RGS22: variants seen among roughly 807,000 people sequenced by gnomAD.
The protein encoded by RGS22 is regulator of G-protein signaling 22.
Under a neutral mutation model 172.9 loss-of-function variants are expected in RGS22, and 148 were observed. That is an observed-to-expected ratio of 0.86 (90% CI 0.75 to 0.98). The LOEUF (loss-of-function observed/expected upper bound fraction) is 0.98, where lower values mean the gene tolerates loss of function less well. Among genes scored for constraint, RGS22 ranks in the 50% least tolerant of loss-of-function variants. The pLI, the probability that RGS22 is intolerant of heterozygous loss-of-function variation, is 0.00. For synonymous variants in RGS22, 458 were observed against 480.2 expected (o/e 0.95, Z 0.60); for missense variants, 1,347 against 1,440.8 (o/e 0.93, Z 1.05).
intron 6 of RGS22, among the ~76,000 whole-genome samples, chr8:100,066,570 T>C (rs577728350): frequency 1.3e-5 from 2 of 152,248 alleles, no homozygotes; most frequent in Admixed American, 1.3e-4. Context: ...TCTCAGACTA[T>C]TGTTGACCAA....
At chr8:100,053,424 A>T (rs114187527) in intron 9 of RGS22, among the ~76,000 whole-genome samples, 1 of 114,076 alleles carries the variant, frequency 8.8e-6, no homozygotes, top group Admixed American at 1.1e-4. Context: ...CTCCATCTAA[A>T]AAAGGGAGGA....
chr8:100,095,976 G>C (rs372900541), intron 2 of RGS22, among the ~76,000 whole-genome samples: 3 of 152,186 alleles, frequency 2.0e-5, no homozygotes, highest in African/African-American at 7.2e-5. Context: ...GAGTGGAAAG[G>C]CTTGTCCTTC....
chr8:99,989,117 CTTTCT>C (rs1349633291), intron 20 of RGS22, among the ~76,000 whole-genome samples: 4 of 151,914 alleles, frequency 2.6e-5, no homozygotes, highest in Admixed American at 6.6e-5. Context: ...AAAAAAGTTT[CTTTCT>C]TTTCAAGAGG....
intron 17 of RGS22, 62 bp downstream of exon 17, chr8:100,003,864 G>T: frequency 1.5e-6 from 2 of 1,357,536 alleles, no homozygotes; most frequent in Non-Finnish European, 2.0e-6. Context: ...ATAATATGTT[G>T]AATCAAAAAT....
intron 6 of RGS22, 113 bp downstream of exon 6, chr8:100,071,256 C>T (rs1810948716): frequency 3.2e-6 from 3 of 946,740 alleles, no homozygotes; most frequent in Non-Finnish European, 4.5e-6. Flanking sequence ...TCACTGCACT[C>T]CAGCCTGGTG....
At position 100,064,045 on chromosome 8, in the gene RGS22, T is replaced by C. The variant is rs995790594; in HGVS notation, c.725-2A>G. The C allele has an allele frequency of 2.0e-6, 3 of 1,496,802 alleles. No individual in the cohort carries two copies. Among genetic ancestry groups the C allele is most frequent in the Non-Finnish European group, 2.7e-6 (3 of 1,128,206 alleles). The allele number at this position is 1,496,802 out of a possible 1,614,324, so 92.7% of individuals were successfully genotyped here. On this transcript the variant is annotated splice_acceptor_variant, in intron 7 of 27. Transcript: ENST00000360863. LOFTEE classifies it high-confidence loss of function. ...CTCCATCATCAAAGATAAAATTCTC[T>C]GTATTAAGTCATAAAAAGCTATTAG...
rs760001306 is a variant in RGS22, at chr8:99,987,624, C to G, written c.3019-5G>C. ...GATCCACTTACTCTCCACAGGCTGT[C>G]CAAAGCAGAGAATATAGGAAATTAG... On this transcript the variant is annotated splice_region_variant and splice_polypyrimidine_tract_variant and intron_variant, in intron 20 of 27. Transcript: ENST00000360863. 6.4e-7 allele frequency: 1 copy of G among 1,569,192 alleles called. No homozygotes were observed. Among genetic ancestry groups the G allele is most frequent in the Non-Finnish European group, 8.6e-7 (1 of 1,156,700 alleles).
chr8:100,097,556 T>C (rs1195781718), intron 2 of RGS22, among the ~76,000 whole-genome samples: 4 of 152,214 alleles, frequency 2.6e-5, no homozygotes. Flanking sequence ...AATTCTTATA[T>C]GTTTAAATTT....
chr8:100,007,741 T>G (rs1394734685), intron 15 of RGS22, among the ~76,000 whole-genome samples: 3 of 143,916 alleles, frequency 2.1e-5, no homozygotes, highest in Non-Finnish European at 1.5e-5. Flanking sequence ...AAAAATGACA[T>G]AAAGTCTTTC....
chr8:100,001,219 T>TATATATATATATATATATATATATAC (rs1402594104), intron 18 of RGS22, among the ~76,000 whole-genome samples: 1 of 132,966 alleles, frequency 7.5e-6, no homozygotes, highest in African/African-American at 2.8e-5. Flanking sequence ...TATATATATA[T>TATATATATATATATATATATATATAC]ACATATATAT....
chr8:100,087,319 T>A (rs1421892803), intron 3 of RGS22, among the ~76,000 whole-genome samples: 2 of 152,152 alleles, frequency 1.3e-5, no homozygotes, highest in Non-Finnish European at 2.9e-5. Context: ...GCTCTTTTCC[T>A]TACTTAATTT....
chr8:99,981,145 T>C (rs1156355897), intron 22 of RGS22, among the ~76,000 whole-genome samples: 1 of 152,196 alleles, frequency 6.6e-6, no homozygotes, highest in Non-Finnish European at 1.5e-5. Flanking sequence ...TTATTTTTCT[T>C]AATCATTTTT....
Position 100,047,457 on chromosome 8 carries a change from A to G in RGS22, c.1823+6T>C, listed in dbSNP as rs1820842639. 1 of 1,590,876 alleles carries G rather than the reference A, an allele frequency of 6.3e-7. No homozygotes were observed. Among genetic ancestry groups the G allele is most frequent in the Admixed American group, 1.9e-5 (1 of 53,836 alleles). ...AAGCACTTAACACACAAAAAGTTGC[A>G]CCTACCCTTTCTCAATCACATCATC... On this transcript the variant is annotated splice_donor_region_variant and intron_variant, in intron 11 of 27. Coordinates refer to ENST00000360863, the MANE Select transcript of RGS22 (RefSeq NM_015668.5).
At chr8:99,994,836 G>A (rs1232791424) in intron 20 of RGS22, among the ~76,000 whole-genome samples, 7 of 152,140 alleles carry the variant, frequency 4.6e-5, no homozygotes, top group Admixed American at 3.3e-4. Flanking sequence ...GAACAAAGCT[G>A]GAGGCATCAC....
chr8:100,102,088 C>A lies in RGS22; in HGVS notation c.54+3286G>T, dbSNP rs561740023. Among the ~76,000 whole-genome samples, 28 of 152,306 alleles carry A rather than the reference C, an allele frequency of 1.8e-4. 1 individual carries two copies. The highest frequency in any genetic ancestry group is 3.4e-3 in the Middle Eastern group (1 of 294). ...CTCCAGCATCACAACTGTATTCCAG[C>A]TGGCAGAAAAGAAGAAAAAGGGCTC... On this transcript the variant is annotated intron_variant, in intron 2 of 27. Coordinates refer to ENST00000360863, the MANE Select transcript of RGS22 (RefSeq NM_015668.5).
intron 2 of RGS22, among the ~76,000 whole-genome samples, chr8:100,104,514 C>T (rs1052946884): frequency 2.6e-5 from 4 of 151,888 alleles, no homozygotes; most frequent in African/African-American, 9.7e-5. Flanking sequence ...AGCAATGGAC[C>T]AGAGCTCTGG....
At chr8:100,083,008 A>G (rs1435674367) in intron 3 of RGS22, among the ~76,000 whole-genome samples, 1 of 152,242 alleles carries the variant, frequency 6.6e-6, no homozygotes, top group Non-Finnish European at 1.5e-5. Context: ...CCAGATCATG[A>G]AAGGCTTTGC....
chr8:100,091,707 A>C (rs1309092125), intron 3 of RGS22, among the ~76,000 whole-genome samples: 1 of 152,172 alleles, frequency 6.6e-6, no homozygotes, highest in Non-Finnish European at 1.5e-5. Flanking sequence ...CTATATAGAG[A>C]TTTTTCTATT....
At position 100,030,927 on chromosome 8, in the gene RGS22, C is replaced by G. The variant is rs921496181; in HGVS notation, c.2166+8004G>C. On this transcript the variant is annotated intron_variant, in intron 14 of 27. Coordinates refer to ENST00000360863, the MANE Select transcript of RGS22 (RefSeq NM_015668.5). ...TGATGACTACTAGGAGGGTAAAAGC[C>G]GAAATTAACAAAAATAGTGTACAAA... is the stretch of plus-strand genomic sequence containing the variant. Among the ~76,000 whole-genome samples the G allele has an allele frequency of 8.6e-5, 13 of 151,884 alleles. 1 individual carries two copies. In the South Asian group the frequency reaches 2.7e-3, roughly 32 times the overall value.
Sources: gnomAD v4.1 joint callset for allele counts (sites outside exome capture counted in the v4.1 genomes callset) on GRCh38, gnomAD v4.1.1 for gene constraint, MANE v1.5 for transcripts, NCBI Gene and HGNC (gene_info 2026-07-23, HGNC 2026-07-21) for gene names.